OR10J1: variants seen among roughly 807,000 people sequenced by gnomAD.
OR10J1 encodes the protein olfactory receptor family 10 subfamily J member 1, also known as olfactory receptor 10J1.
For synonymous variants in OR10J1, 202 were observed against 143.8 expected (o/e 1.40, Z -2.89); for missense variants, 474 against 376.6 (o/e 1.26, Z -2.14).
At chr1:159,433,115 T>C (rs750697889), upstream of OR10J1, 5 of 430,510 alleles carry the variant, frequency 1.2e-5, no homozygotes, top group Non-Finnish European at 2.1e-5. Context: ...GCTCAGAGCT[T>C]TGGGCAGAAA....
At chr1:159,399,570 CAAAAAAAAAAAA>C in the OR10J1 span, among the ~76,000 whole-genome samples, 7 of 56,106 alleles carry the variant, frequency 1.2e-4, no homozygotes, top group African/African-American at 5.1e-4. Context: ...GATTCTGTCT[CAAAAAAAAAAAA>C]AAAAAAAAAA....
At chr1:159,419,256 C>T in the OR10J1 span, among the ~76,000 whole-genome samples, 1 of 152,164 alleles carries the variant, frequency 6.6e-6, no homozygotes, top group African/African-American at 2.4e-5. Flanking sequence ...TATGGTTTGA[C>T]TCTGACCCTA....
the OR10J1 span, among the ~76,000 whole-genome samples, chr1:159,430,640 G>GGGGGGTGTGTGTGT: frequency 2.8e-4 from 40 of 140,932 alleles, no homozygotes; most frequent in African/African-American, 1.1e-3. Context: ...AAAAAATTAT[G>GGGGGGTGTGTGTGT]GTGTGTGTGT....
chr1:159,430,301 C>T, the OR10J1 span, among the ~76,000 whole-genome samples: 1 of 152,082 alleles, frequency 6.6e-6, no homozygotes, highest in Non-Finnish European at 1.5e-5. Context: ...CAGCCCTCAA[C>T]AAACCATCTC....
the OR10J1 span, among the ~76,000 whole-genome samples, chr1:159,420,717 C>T: frequency 2.6e-5 from 4 of 151,814 alleles, no homozygotes; most frequent in African/African-American, 4.8e-5. Context: ...ACTTTGAATA[C>T]ATCATACTAT....
chr1:159,431,491 C>G, the OR10J1 span, among the ~76,000 whole-genome samples: 1 of 152,178 alleles, frequency 6.6e-6, no homozygotes, highest in Non-Finnish European at 1.5e-5. Flanking sequence ...TTTGCACTGG[C>G]CTTTGACGAG....
At chr1:159,436,435 G>A (rs979895358), upstream of OR10J1, among the ~76,000 whole-genome samples, 1 of 151,974 alleles carries the variant, frequency 6.6e-6, no homozygotes, top group African/African-American at 2.4e-5. Context: ...TCTCTCACAT[G>A]TATCCCTCCC....
chr1:159,439,742 G>A lies in OR10J1; in HGVS notation c.-50G>A. 1 of 1,609,290 alleles carries A rather than the reference G, an allele frequency of 6.2e-7. No individual in the cohort carries two copies. The highest frequency in any genetic ancestry group is 8.5e-7 in the Non-Finnish European group (1 of 1,176,652). On this transcript the variant is annotated 5_prime_UTR_variant, in exon 1 of 1. Transcript: ENST00000423932. ...AGAAATGTGCTTCTACTGCTTTACT[G>A]GGACTATGTGACTTTTATGCTTTTA...
chr1:159,416,474 G>T, the OR10J1 span, among the ~76,000 whole-genome samples: 1 of 151,000 alleles, frequency 6.6e-6, no homozygotes, highest in African/African-American at 2.4e-5. Flanking sequence ...TGTGCTGTTG[G>T]TTTTGGTTTG....
the OR10J1 span, chr1:159,432,705 C>T: frequency 2.5e-6 from 1 of 406,020 alleles, no homozygotes; most frequent in Non-Finnish European, 4.4e-6. Context: ...ATTCAGCCTT[C>T]CCTTCTGTGA....
At chr1:159,397,646 T>G in the OR10J1 span, among the ~76,000 whole-genome samples, 1 of 152,092 alleles carries the variant, frequency 6.6e-6, no homozygotes, top group Non-Finnish European at 1.5e-5. Context: ...GTGGGGGCTA[T>G]GGGGGTGAGA....
upstream of OR10J1, among the ~76,000 whole-genome samples, chr1:159,436,702 G>A (rs550472700): frequency 1.9e-4 from 29 of 151,594 alleles, 1 homozygote; most frequent in South Asian, 3.8e-3. Flanking sequence ...TCCTTAAGAC[G>A]CCACTTGCTA....
chr1:159,403,793 T>G, the OR10J1 span, among the ~76,000 whole-genome samples: 1 of 152,112 alleles, frequency 6.6e-6, no homozygotes, highest in Non-Finnish European at 1.5e-5. Flanking sequence ...GAAATCAGTA[T>G]ACTGAAGAGA....
chr1:159,427,732 A>T, the OR10J1 span, among the ~76,000 whole-genome samples: 1 of 152,108 alleles, frequency 6.6e-6, no homozygotes, highest in Non-Finnish European at 1.5e-5. Flanking sequence ...GCCAGCATTT[A>T]AAGAGGCTGC....
chr1:159,399,174 A>C, the OR10J1 span, among the ~76,000 whole-genome samples: 3 of 152,190 alleles, frequency 2.0e-5, no homozygotes, highest in African/African-American at 7.2e-5. Flanking sequence ...TGTTAAGTCT[A>C]GAATAGTATA....
At position 159,440,025 on chromosome 1, in the gene OR10J1, C is replaced by T. The variant is rs766089577; in HGVS notation, c.234C>T (p.Leu78=). Residue 78 remains leucine, a synonymous_variant, in exon 1 of 1, where the codon CTC becomes CTT. Transcript: ENST00000423932. ...AGACTGTATATACATTGGTCATTCT[C>T]CCAAGAATGCTCTCCAGCCTCGTAG... ...TSETVYTLVI[L]PRMLSSLVGM... is the part of the protein sequence containing the mutation. The T allele has an allele frequency of 1.9e-6, 3 of 1,614,144 alleles. No individual in the cohort carries two copies. The South Asian group carries it at 3.3e-5, about 18-fold the overall frequency.
At chr1:159,429,385 CAG>C in the OR10J1 span, among the ~76,000 whole-genome samples, 1 of 152,164 alleles carries the variant, frequency 6.6e-6, no homozygotes, top group East Asian at 1.9e-4. Flanking sequence ...GCAGTTAGGA[CAG>C]AGAGACCCTG....
the OR10J1 span, chr1:159,432,559 TG>T: frequency 2.1e-6 from 1 of 472,568 alleles, no homozygotes. Context: ...CTCACAGCCA[TG>T]GGGTATGACC....
the OR10J1 span, among the ~76,000 whole-genome samples, chr1:159,427,269 A>G: frequency 1.4e-4 from 22 of 151,948 alleles, no homozygotes; most frequent in African/African-American, 4.8e-4. Context: ...AAGTTTCCAA[A>G]AGAGTAGCAA....
Sources: gnomAD v4.1 joint callset for allele counts (sites outside exome capture counted in the v4.1 genomes callset) on GRCh38, gnomAD v4.1.1 for gene constraint, MANE v1.5 for transcripts, NCBI Gene and HGNC (gene_info 2026-07-23, HGNC 2026-07-21) for gene names.